LDAH: variants seen among roughly 807,000 people sequenced by gnomAD.
LDAH encodes the protein lipid droplet associated hydrolase, also known as lipid droplet-associated hydrolase.
Under a neutral mutation model 29.6 loss-of-function variants are expected in LDAH, and 26 were observed. The ratio of observed to expected loss-of-function variants is 0.88; its 90% confidence interval spans 0.64 to 1.22. The LOEUF (loss-of-function observed/expected upper bound fraction) is 1.22, where lower values mean the gene tolerates loss of function less well. LDAH is among the 50% of genes most tolerant of loss of function. The pLI is 0.00. For missense variants in LDAH, 344 were observed against 387.3 expected, an observed-to-expected ratio of 0.89 and a Z score of 0.94; for synonymous variants, 117 against 133.0, an observed-to-expected ratio of 0.88 and a Z score of 0.83.
chr2:20,749,186 G>A (rs1455886564), intron 4 of LDAH, among the ~76,000 whole-genome samples: 1 of 152,122 alleles, frequency 6.6e-6, no homozygotes. Flanking sequence ...AGAGGTATCA[G>A]GACATGGGAA....
intron 1 of LDAH, among the ~76,000 whole-genome samples, chr2:20,802,035 T>A: frequency 6.6e-6 from 1 of 150,862 alleles, no homozygotes; most frequent in East Asian, 2.0e-4. Flanking sequence ...TATCCACACA[T>A]ACTATATCTA....
intron 4 of LDAH, among the ~76,000 whole-genome samples, chr2:20,742,577 T>C (rs893077531): frequency 7.9e-5 from 12 of 152,216 alleles, no homozygotes; most frequent in African/African-American, 2.9e-4. Context: ...ATAACTTTCT[T>C]TGCTTTGAAA....
chr2:20,742,358 A>G (rs1266010750), intron 4 of LDAH, among the ~76,000 whole-genome samples: 3 of 152,162 alleles, frequency 2.0e-5, no homozygotes, highest in African/African-American at 7.2e-5. Flanking sequence ...TTACCCATTT[A>G]CTGCCTGCTG....
At chr2:20,798,301 G>A (rs1671441556) in intron 2 of LDAH, among the ~76,000 whole-genome samples, 1 of 152,136 alleles carries the variant, frequency 6.6e-6, no homozygotes, top group African/African-American at 2.4e-5. Flanking sequence ...TCCCCAGGAT[G>A]GCAACTGTGC....
chr2:20,695,781 T>C (rs1663418106), intron 6 of LDAH, among the ~76,000 whole-genome samples: 1 of 152,160 alleles, frequency 6.6e-6, no homozygotes, highest in African/African-American at 2.4e-5. Flanking sequence ...TTACAAGGTA[T>C]GAATTATAGC....
rs112264061 is a variant in LDAH, at chr2:20,774,399, C to T, written c.468+411G>A. ...TCCATAAAGACAGCTGTTTGCCTAT[C>T]AGTGATGATGATGATACATTTCTTC... On this transcript the variant is annotated intron_variant, in intron 4 of 6. Transcript: ENST00000237822. Among the ~76,000 whole-genome samples the T allele has an allele frequency of 2.9e-3, 442 of 152,282 alleles. 1 individual carries two copies. The highest frequency in any genetic ancestry group is 5.2e-3 in the Non-Finnish European group (356 of 68,024).
intron 5 of LDAH, among the ~76,000 whole-genome samples, chr2:20,735,267 G>A (rs1158392963): frequency 1.3e-5 from 2 of 152,020 alleles, no homozygotes; most frequent in Admixed American, 6.6e-5. Flanking sequence ...TAGATCTTTC[G>A]TTGTAGTCCA....
At position 20,732,357 on chromosome 2, in the gene LDAH, G is replaced by A. The variant is rs951626147; in HGVS notation, c.703+7614C>T. Among the ~76,000 whole-genome samples, 10 of 151,490 alleles carry A rather than the reference G, an allele frequency of 6.6e-5. 1 individual carries two copies. Among genetic ancestry groups the A allele is most frequent in the Admixed American group, 5.9e-4 (9 of 15,218 alleles). ...CTGGCCTGTAGTTTCTTCTTTTTTTGTATTATTTTTCTCTGGTTTTGATAT... is the reference window on the plus strand; with the variant it reads ...CTGGCCTGTAGTTTCTTCTTTTTTTATATTATTTTTCTCTGGTTTTGATAT... On this transcript the variant is annotated intron_variant, in intron 5 of 6. Coordinates refer to ENST00000237822, the MANE Select transcript of LDAH (RefSeq NM_021925.4).
At chr2:20,809,214 A>G (rs1672300807) in intron 1 of LDAH, among the ~76,000 whole-genome samples, 1 of 145,248 alleles carries the variant, frequency 6.9e-6, no homozygotes. Flanking sequence ...ACATCGTGAA[A>G]CCCCATCTCT....
At chr2:20,726,701 T>G (rs112498693) in intron 5 of LDAH, among the ~76,000 whole-genome samples, 1,860 of 152,324 alleles carry the variant, frequency 0.012, 40 homozygotes, top group African/African-American at 0.042. Flanking sequence ...GAGAAATGTT[T>G]CGTAGTCAAC....
At chr2:20,740,745 C>G (rs569293527) in intron 4 of LDAH, among the ~76,000 whole-genome samples, 1 of 152,150 alleles carries the variant, frequency 6.6e-6, no homozygotes, top group African/African-American at 2.4e-5. Context: ...TATAAATGCC[C>G]ATGTGCACTA....
intron 1 of LDAH, among the ~76,000 whole-genome samples, chr2:20,820,858 C>G (rs1475026623): frequency 1.5e-5 from 2 of 134,702 alleles, no homozygotes; most frequent in Non-Finnish European, 3.2e-5. Context: ...ATTTTTGCAA[C>G]CTACTCATCT....
chr2:20,820,943 AAAGTGGGTGAAGGAT>A (rs1279907677), intron 1 of LDAH, among the ~76,000 whole-genome samples: 1 of 147,962 alleles, frequency 6.8e-6, no homozygotes, highest in East Asian at 1.9e-4. Context: ...ACCCCATCAA[AAAGTGGGTGAAGGAT>A]ATGAACAGAC....
At chr2:20,822,763 C>T (rs1321855230) in intron 1 of LDAH, among the ~76,000 whole-genome samples, 2 of 152,284 alleles carry the variant, frequency 1.3e-5, no homozygotes, top group Admixed American at 1.3e-4. Flanking sequence ...CATAAGACTC[C>T]CTACAGGTGG....
chr2:20,753,330 G>A (rs558811), intron 4 of LDAH, among the ~76,000 whole-genome samples: 1 of 152,008 alleles, frequency 6.6e-6, no homozygotes, highest in Non-Finnish European at 1.5e-5. Context: ...GTTGACTTGG[G>A]CCCATCTCCT....
At chr2:20,709,716 A>G (rs1664569684) in intron 5 of LDAH, among the ~76,000 whole-genome samples, 1 of 152,214 alleles carries the variant, frequency 6.6e-6, no homozygotes, top group South Asian at 2.1e-4. Flanking sequence ...CAGCAATATT[A>G]TTCATAATAG....
intron 4 of LDAH, among the ~76,000 whole-genome samples, chr2:20,746,020 T>C (rs1667547387): frequency 6.6e-6 from 1 of 152,160 alleles, no homozygotes; most frequent in Non-Finnish European, 1.5e-5. Flanking sequence ...GCAGAGGCCA[T>C]AGAAAGCTAA....
intron 5 of LDAH, among the ~76,000 whole-genome samples, chr2:20,727,237 C>T (rs1257498198): frequency 6.6e-6 from 1 of 151,990 alleles, no homozygotes; most frequent in Non-Finnish European, 1.5e-5. Context: ...ATAAAAGCCA[C>T]AGTTGGGTTT....
chr2:20,735,267 G>C (rs1158392963), intron 5 of LDAH, among the ~76,000 whole-genome samples: 1 of 152,020 alleles, frequency 6.6e-6, no homozygotes, highest in African/African-American at 2.4e-5. Flanking sequence ...TAGATCTTTC[G>C]TTGTAGTCCA....
Sources: gnomAD v4.1 joint callset for allele counts (sites outside exome capture counted in the v4.1 genomes callset) on GRCh38, gnomAD v4.1.1 for gene constraint, MANE v1.5 for transcripts, NCBI Gene and HGNC (gene_info 2026-07-23, HGNC 2026-07-21) for gene names.